The following NELL1 variants were observed in gnomAD, a reference collection of about 807,000 sequenced individuals.
The protein encoded by NELL1 is neural EGFL like 1.
NELL1 carries 76 observed loss-of-function variants against 107.4 expected under a neutral mutation model. That is an observed-to-expected ratio of 0.71 (90% CI 0.59 to 0.86). The LOEUF is 0.86. Ranked by LOEUF, NELL1 falls within the 40% of genes least tolerant of loss-of-function variation. NELL1 has a pLI of 0.00. For missense variants in NELL1, 1,024 were observed against 1,005.5 expected, an observed-to-expected ratio of 1.02 and a Z score of -0.25; for synonymous variants, 353 against 341.2, an observed-to-expected ratio of 1.03 and a Z score of -0.38.
chr11:21,343,877 G>T (rs1430603267), intron 14 of NELL1, among the ~76,000 whole-genome samples: 1 of 152,130 alleles, frequency 6.6e-6, no homozygotes, highest in East Asian at 1.9e-4. Flanking sequence ...TGTGTTAAAG[G>T]AGGGGCTCAA....
chr11:21,424,130 AT>A (rs1345225434), intron 15 of NELL1, among the ~76,000 whole-genome samples: 1 of 152,190 alleles, frequency 6.6e-6, no homozygotes, highest in East Asian at 1.9e-4. Flanking sequence ...TAGAGCAAAA[AT>A]AAAATAAAGA....
chr11:21,558,491 GTCA>G (rs1158227932), intron 16 of NELL1, among the ~76,000 whole-genome samples: 39 of 151,786 alleles, frequency 2.6e-4, no homozygotes, highest in Non-Finnish European at 5.9e-5. Flanking sequence ...ATTAACTACA[GTCA>G]TCATGTTTGA....
chr11:20,711,030 C>A (rs910921327), intron 2 of NELL1, among the ~76,000 whole-genome samples: 1 of 150,770 alleles, frequency 6.6e-6, no homozygotes, highest in Non-Finnish European at 1.5e-5. Flanking sequence ...TGTTTTAGTT[C>A]TACTCTGATC....
At chr11:21,574,887 A>C in intron 19 of NELL1, 85 bp from the exon 20 acceptor site, 1 of 1,138,296 alleles carries the variant, frequency 8.8e-7, no homozygotes, top group Non-Finnish European at 1.3e-6. Context: ...CAAAATGCTG[A>C]AAGTTGTTTT....
intron 16 of NELL1, among the ~76,000 whole-genome samples, chr11:21,540,760 A>T (rs79125083): frequency 0.014 from 2,067 of 152,190 alleles, 20 homozygotes; most frequent in Middle Eastern, 0.044. Context: ...TGATTGAATC[A>T]CATCCTACCA....
At chr11:20,755,563 T>TTTTTTTTTTATTTATTTA (rs1590264076) in intron 2 of NELL1, among the ~76,000 whole-genome samples, 2 of 19,114 alleles carry the variant, frequency 1.0e-4, no homozygotes, top group East Asian at 3.2e-3. Flanking sequence ...TTTGTTTTTG[T>TTTTTTTTTTATTTATTTA]TTTTTTTTTT....
intron 13 of NELL1, among the ~76,000 whole-genome samples, chr11:21,130,059 G>A (rs1018840862): frequency 6.6e-6 from 1 of 152,178 alleles, no homozygotes; most frequent in African/African-American, 2.4e-5. Flanking sequence ...AAGGATCACA[G>A]AGGAGAGTTT....
chr11:20,978,116 T>G (rs1012693316), intron 12 of NELL1, among the ~76,000 whole-genome samples: 1 of 152,226 alleles, frequency 6.6e-6, no homozygotes, highest in African/African-American at 2.4e-5. Flanking sequence ...AGTTTTCATC[T>G]TTGTAAGAGG....
chr11:21,141,673 C>T (rs1267133996), intron 13 of NELL1, among the ~76,000 whole-genome samples: 20 of 152,178 alleles, frequency 1.3e-4, no homozygotes, highest in Admixed American at 1.2e-3. Context: ...ACAGGGCAAA[C>T]TTCAAGCACT....
At chr11:20,966,657 T>C (rs1192666022) in intron 12 of NELL1, among the ~76,000 whole-genome samples, 1 of 152,088 alleles carries the variant, frequency 6.6e-6, no homozygotes, top group Non-Finnish European at 1.5e-5. Context: ...TAGCCTTTGC[T>C]TTGTTCTGGA....
intron 3 of NELL1, among the ~76,000 whole-genome samples, chr11:20,813,488 G>A (rs1008296725): frequency 6.6e-6 from 1 of 152,016 alleles, no homozygotes; most frequent in African/African-American, 2.4e-5. Context: ...ACCATTGCTG[G>A]CTCATTTGTC....
intron 13 of NELL1, among the ~76,000 whole-genome samples, chr11:21,158,193 C>A (rs758192803): frequency 2.0e-5 from 3 of 152,154 alleles, no homozygotes; most frequent in Non-Finnish European, 4.4e-5. Flanking sequence ...TATTGTTTAG[C>A]CAGGGCCTCT....
At chr11:21,213,583 A>G (rs924527655) in intron 13 of NELL1, among the ~76,000 whole-genome samples, 1 of 152,174 alleles carries the variant, frequency 6.6e-6, no homozygotes, top group Non-Finnish European at 1.5e-5. Flanking sequence ...TGAATTGAAT[A>G]TTAAGGATTT....
At chr11:21,208,285 T>G (rs185820128) in intron 13 of NELL1, among the ~76,000 whole-genome samples, 15 of 152,082 alleles carry the variant, frequency 9.9e-5, no homozygotes, top group African/African-American at 3.4e-4. Context: ...CATTCAAAAG[T>G]GCAAAATGAG....
At chr11:20,738,250 G>T (rs1855808266) in intron 2 of NELL1, among the ~76,000 whole-genome samples, 2 of 152,164 alleles carry the variant, frequency 1.3e-5, no homozygotes, top group Non-Finnish European at 2.9e-5. Context: ...TCATCAGGTT[G>T]AGAGGCTGGC....
intron 14 of NELL1, among the ~76,000 whole-genome samples, chr11:21,361,455 G>A (rs1190507264): frequency 6.6e-6 from 1 of 151,986 alleles, no homozygotes; most frequent in Non-Finnish European, 1.5e-5. Flanking sequence ...ACTAATGACT[G>A]CATGCCTATG....
At chr11:21,339,856 T>A (rs2032365) in intron 14 of NELL1, among the ~76,000 whole-genome samples, 73,852 of 152,012 alleles carry the variant, frequency 0.49, 18,379 homozygotes, top group African/African-American at 0.61. Context: ...ACTAGACCTA[T>A]AGAGGCCCCA....
rs965397780 is a variant in NELL1 at position 21,045,838 on chromosome 11, G to A, written c.1301-67751G>A. Among the ~76,000 whole-genome samples, 32 of 152,170 alleles carry A rather than the reference G, an allele frequency of 2.1e-4. No individual in the cohort carries two copies. In the East Asian group the frequency reaches 6.2e-3, roughly 29 times the overall value. ...AACATTCTTTAGTTTAGTCATAAAT[G>A]CCTTTCCACGTATTCAAATACTCTT... On this transcript the variant is annotated intron_variant, in intron 12 of 19. Coordinates refer to ENST00000357134, the MANE Select transcript of NELL1 (RefSeq NM_006157.5).
At chr11:21,473,226 G>A (rs1854227358) in intron 15 of NELL1, among the ~76,000 whole-genome samples, 1 of 152,004 alleles carries the variant, frequency 6.6e-6, no homozygotes, top group South Asian at 2.1e-4. Flanking sequence ...GTAGAAGAAT[G>A]CAGAGGCAAA....
Sources: allele counts gnomAD v4.1 joint callset (sites outside exome capture counted in the v4.1 genomes callset), GRCh38; gene constraint gnomAD v4.1.1; transcripts MANE v1.5; gene names NCBI Gene and HGNC (gene_info 2026-07-23, HGNC 2026-07-21).